The following PLXNA4 variants were observed in gnomAD, a reference collection of about 807,000 sequenced individuals.
The protein encoded by PLXNA4 is plexin A4.
Under a neutral mutation model 191.8 loss-of-function variants are expected in PLXNA4, and 44 were observed. That is an observed-to-expected ratio of 0.23 (90% CI 0.18 to 0.29). The LOEUF is 0.29. Ranked by LOEUF, PLXNA4 falls within the 10% of genes least tolerant of loss-of-function variation. The pLI is 1.00. For missense variants in PLXNA4, 1,800 were observed against 2,488.8 expected, an observed-to-expected ratio of 0.72 and a Z score of 5.89; for synonymous variants, 1,082 against 1,009.5, an observed-to-expected ratio of 1.07 and a Z score of -1.36.
chr7:132,147,918 T>C lies in PLXNA4; in HGVS notation c.4846A>G (p.Thr1616Ala), dbSNP rs752253206. 6.2e-7 allele frequency: 1 copy of C among 1,614,074 alleles called. No homozygotes were observed. Among genetic ancestry groups the C allele is most frequent in the Non-Finnish European group, 8.5e-7 (1 of 1,180,014 alleles). The stretch of plus-strand genomic sequence containing the variant: ...ATCTTACCATATTTACTTGCTGAGG[T>C]CCTGGAGACGGTGGAGTTGTTCACT... ...NAVNNSTVSRTSASKYENMIR... is the reference protein window; with the variant it reads ...NAVNNSTVSRASASKYENMIR... The change falls in exon 27 of 32, where the codon ACC becomes GCC. Residue 1616 changes from threonine to alanine, a missense_variant. Thr to Ala is a moderately conservative substitution (Grantham distance 58). Around this residue, in one of 6 missense-constraint regions of PLXNA4, gnomAD observed 214 missense variants for 298.2 expected, o/e 0.72. Transcript: ENST00000321063.
intron 4 of PLXNA4, chr7:132,266,407 A>G: frequency 6.6e-6 from 1 of 152,204 alleles, no homozygotes; most frequent in East Asian, 1.9e-4. Flanking sequence ...GCCCCCTTCA[A>G]ATTACTGATT....
intron 3 of PLXNA4, among the ~76,000 whole-genome samples, chr7:132,300,013 C>G (rs953886511): frequency 2.6e-5 from 4 of 152,194 alleles, no homozygotes; most frequent in African/African-American, 9.7e-5. Flanking sequence ...GGTGACATCG[C>G]TGAGCCACTG....
chr7:132,396,497 TTTTG>T (rs982288944), intron 3 of PLXNA4, among the ~76,000 whole-genome samples: 28 of 152,252 alleles, frequency 1.8e-4, no homozygotes, highest in African/African-American at 6.5e-4. Flanking sequence ...TTTTTATTTT[TTTTG>T]TTTGTTTTTG....
At chr7:132,414,992 C>T (rs540981631) in intron 3 of PLXNA4, among the ~76,000 whole-genome samples, 1 of 152,342 alleles carries the variant, frequency 6.6e-6, no homozygotes, top group South Asian at 2.1e-4. Flanking sequence ...TACACAGGCC[C>T]CTACCCTTTC....
At chr7:132,174,488 C>T (rs373100412) in intron 21 of PLXNA4, among the ~76,000 whole-genome samples, 5 of 152,300 alleles carry the variant, frequency 3.3e-5, no homozygotes, top group African/African-American at 1.2e-4. Flanking sequence ...TGTTTCTGTG[C>T]ATATGTAGTT....
intron 3 of PLXNA4, among the ~76,000 whole-genome samples, chr7:132,305,187 G>C (rs749586820): frequency 5.9e-5 from 9 of 152,090 alleles, no homozygotes; most frequent in Middle Eastern, 3.2e-3. Context: ...TGGGCATCTG[G>C]GGCTGGGGGC....
At chr7:132,478,199 A>C (rs909992378) in intron 3 of PLXNA4, among the ~76,000 whole-genome samples, 3 of 152,232 alleles carry the variant, frequency 2.0e-5, no homozygotes, top group African/African-American at 7.2e-5. Context: ...CCCTGGATCT[A>C]AGAAAGACTC....
intron 3 of PLXNA4, among the ~76,000 whole-genome samples, chr7:132,354,186 C>CGTGTGTGTGTGTGT (rs59554805): frequency 7.5e-6 from 1 of 132,568 alleles, no homozygotes; most frequent in African/African-American, 3.0e-5. Flanking sequence ...ACAGTGTGTG[C>CGTGTGTGTGTGTGT]GTGTGTGTGT....
chr7:132,643,568 A>G (rs1323593973), intron 2 of PLXNA4, among the ~76,000 whole-genome samples: 1 of 152,186 alleles, frequency 6.6e-6, no homozygotes, highest in East Asian at 1.9e-4. Flanking sequence ...TGACTTTCAC[A>G]GGCACCAAGG....
At chr7:132,200,054 C>A (rs1168726030) in intron 12 of PLXNA4, among the ~76,000 whole-genome samples, 2 of 152,194 alleles carry the variant, frequency 1.3e-5, no homozygotes, top group Non-Finnish European at 2.9e-5. Context: ...CCACTGGCAT[C>A]TGGCAGCAGT....
chr7:132,263,560 C>G (rs746889083), intron 4 of PLXNA4, among the ~76,000 whole-genome samples: 56 of 152,308 alleles, frequency 3.7e-4, no homozygotes, highest in Admixed American at 5.9e-4. Context: ...AAGCTTTACC[C>G]ATAGTTAGAA....
At position 132,276,362 on chromosome 7, in the gene PLXNA4, A is replaced by G. The variant is rs552455728; in HGVS notation, c.1503+21729T>C. 7.9e-5 allele frequency among the ~76,000 whole-genome samples: 12 copies of G among 152,248 alleles called. No individual in the cohort carries two copies. The East Asian group carries it at 2.1e-3, about 27-fold the overall frequency. ...CCAACACACACCCATTGAGATGGAA[A>G]ATAAAGTATAGCATATCATTAGTGG... is the stretch of plus-strand genomic sequence containing the variant. On this transcript the variant is annotated intron_variant, in intron 4 of 31. Transcript: ENST00000321063.
intron 7 of PLXNA4, among the ~76,000 whole-genome samples, chr7:132,226,553 C>T (rs1321351225): frequency 2.0e-5 from 3 of 152,236 alleles, no homozygotes; most frequent in Admixed American, 6.5e-5. Flanking sequence ...CCTGCCCAGA[C>T]TCACAAAATT....
intron 4 of PLXNA4, among the ~76,000 whole-genome samples, chr7:132,246,612 C>T (rs1417092898): frequency 6.6e-6 from 1 of 152,146 alleles, no homozygotes; most frequent in Non-Finnish European, 1.5e-5. Flanking sequence ...ATGTGCCCTT[C>T]CCCATTTACA....
At chr7:132,615,452 C>T (rs913679707) in intron 2 of PLXNA4, among the ~76,000 whole-genome samples, 2 of 152,172 alleles carry the variant, frequency 1.3e-5, no homozygotes, top group African/African-American at 4.8e-5. Context: ...AGGCGGCCCG[C>T]AGTGCCCGGC....
At chr7:132,325,532 C>T (rs993146931) in intron 3 of PLXNA4, among the ~76,000 whole-genome samples, 3 of 152,122 alleles carry the variant, frequency 2.0e-5, no homozygotes, top group Non-Finnish European at 4.4e-5. Context: ...GTGGAGTCTA[C>T]ACCATATTAC....
At chr7:132,248,859 T>A (rs1012794058) in intron 4 of PLXNA4, among the ~76,000 whole-genome samples, 1 of 152,208 alleles carries the variant, frequency 6.6e-6, no homozygotes, top group African/African-American at 2.4e-5. Flanking sequence ...AAAATGATTT[T>A]TTTTTTTCTA....
At chr7:132,240,830 T>A (rs1798852603) in intron 5 of PLXNA4, among the ~76,000 whole-genome samples, 1 of 152,198 alleles carries the variant, frequency 6.6e-6, no homozygotes, top group Non-Finnish European at 1.5e-5. Flanking sequence ...TGACCTGTCA[T>A]GATTCCCATG....
chr7:132,318,806 T>C (rs181626362), intron 3 of PLXNA4, among the ~76,000 whole-genome samples: 43 of 152,196 alleles, frequency 2.8e-4, no homozygotes, highest in Non-Finnish European at 5.3e-4. Flanking sequence ...GGAGGGGCTC[T>C]GTTCTGTGGT....
Sources: allele counts gnomAD v4.1 joint callset (sites outside exome capture counted in the v4.1 genomes callset), GRCh38; gene constraint gnomAD v4.1.1; regional missense constraint gnomAD v4.1.1; transcripts MANE v1.5; gene names NCBI Gene and HGNC (gene_info 2026-07-23, HGNC 2026-07-21).